Variants in ITGA1 observed in about 807,000 individuals in gnomAD.
ITGA1 encodes integrin subunit alpha 1.
ITGA1 carries 85 observed loss-of-function variants against 145.9 expected under a neutral mutation model. The observed-to-expected ratio is 0.58, with a 90% CI of 0.49 to 0.70. ITGA1 has a LOEUF of 0.70. Ranked by LOEUF, ITGA1 falls within the 30% of genes least tolerant of loss-of-function variation. The pLI is 0.00. For missense variants in ITGA1, 1,351 were observed against 1,418.7 expected, an observed-to-expected ratio of 0.95 and a Z score of 0.77; for synonymous variants, 520 against 495.3, an observed-to-expected ratio of 1.05 and a Z score of -0.66.
intron 6 of ITGA1, among the ~76,000 whole-genome samples, chr5:52,866,825 T>G (rs1420197414): frequency 6.6e-6 from 1 of 152,202 alleles, no homozygotes; most frequent in Non-Finnish European, 1.5e-5. Context: ...TAAACTCATA[T>G]GGGCATATAT....
At chr5:52,871,701 T>A (rs1250573220) in intron 6 of ITGA1, among the ~76,000 whole-genome samples, 1 of 150,188 alleles carries the variant, frequency 6.7e-6, no homozygotes, top group Non-Finnish European at 1.5e-5. Context: ...ATTAGGGAAA[T>A]ACAACACAAC....
intron 1 of ITGA1, among the ~76,000 whole-genome samples, chr5:52,832,765 CTGTGTGTGTGTG>C (rs33977926): frequency 1.3e-4 from 11 of 86,778 alleles, no homozygotes; most frequent in African/African-American, 1.7e-4. Flanking sequence ...ATATATAAAT[CTGTGTGTGTGTG>C]TGTGTGTGTG....
chr5:52,900,592 A>G (rs1750298554), intron 11 of ITGA1, among the ~76,000 whole-genome samples: 1 of 152,210 alleles, frequency 6.6e-6, no homozygotes, highest in African/African-American at 2.4e-5. Flanking sequence ...ACCCATAAAA[A>G]TAAAAATTAT....
At chr5:52,944,842 C>T (rs1751109589) in intron 26 of ITGA1, 101 bp from the exon 27 acceptor site, 1 of 784,932 alleles carries the variant, frequency 1.3e-6, no homozygotes, top group Non-Finnish European at 2.1e-6. Flanking sequence ...TTTTTAATCT[C>T]TCAGAAAAAT....
intron 2 of ITGA1, among the ~76,000 whole-genome samples, chr5:52,859,843 C>G (rs994424923): frequency 6.6e-6 from 1 of 152,184 alleles, no homozygotes; most frequent in African/African-American, 2.4e-5. Context: ...TCAGACATGG[C>G]CTGACCAGCA....
intron 1 of ITGA1, among the ~76,000 whole-genome samples, chr5:52,815,022 C>T (rs1002913671): frequency 1.3e-5 from 2 of 152,136 alleles, no homozygotes; most frequent in African/African-American, 2.4e-5. Flanking sequence ...TGATGTACTT[C>T]CCCACTCCCA....
At chr5:52,881,812 T>A in intron 6 of ITGA1, 61 bp from the exon 7 acceptor site, 3 of 1,493,478 alleles carry the variant, frequency 2.0e-6, no homozygotes, top group Non-Finnish European at 2.7e-6. Flanking sequence ...ATGGTTAACC[T>A]GAAGAAATCT....
chr5:52,815,794 C>T (rs1044420737), intron 1 of ITGA1, among the ~76,000 whole-genome samples: 1 of 152,102 alleles, frequency 6.6e-6, no homozygotes, highest in Non-Finnish European at 1.5e-5. Context: ...GACATACTTA[C>T]AGTAATAGTA....
intron 23 of ITGA1, among the ~76,000 whole-genome samples, chr5:52,936,408 T>A (rs1750965366): frequency 6.6e-6 from 1 of 152,130 alleles, no homozygotes; most frequent in African/African-American, 2.4e-5. Flanking sequence ...AATTAAAGGA[T>A]GTATTTCGTC....
intron 11 of ITGA1, 82 bp downstream of exon 11, chr5:52,898,465 G>C: frequency 1.6e-6 from 2 of 1,222,084 alleles, no homozygotes; most frequent in South Asian, 3.3e-5. Flanking sequence ...TGTTTCTATA[G>C]GCTTGCAACC....
intron 1 of ITGA1, chr5:52,801,031 G>C: frequency 1.2e-6 from 2 of 1,614,138 alleles, no homozygotes; most frequent in Non-Finnish European, 1.7e-6. Flanking sequence ...CCCAGGATTT[G>C]TGAGGGAGCA....
chr5:52,882,015 C>T lies in ITGA1; in HGVS notation c.767C>T (p.Thr256Ile). The stretch of plus-strand genomic sequence containing the variant: ...ACTATGACAGCTCTTGGAATAGACA[C>T]AGCAAGGTATATGGATAAAAAAATA... ...RQTMTALGID[T>I]ARKEAFTEAR... Residue 256 changes from threonine (T) to isoleucine (I), a missense_variant, in exon 7 of 29, where the codon ACA (threonine) becomes ATA (isoleucine). Transcript: ENST00000282588. 2.5e-6 allele frequency: 4 copies of T among 1,606,950 alleles called. No homozygotes were observed. Among genetic ancestry groups the T allele is most frequent in the Non-Finnish European group, 3.4e-6 (4 of 1,176,890 alleles).
Position 52,910,390 on chromosome 5 carries a change from G to T in ITGA1, c.1828G>T (p.Gly610Cys). ...GGAVYIYHGS[G>C]KTIRKEYAQR... ...AGCTGTGTACATTTATCATGGAAGT[G>T]GCAAGACTATAAGGAAAGAGTATGC... The change falls in exon 14 of 29, where the codon GGC becomes TGC. Residue 610 changes from glycine to cysteine, a missense_variant. Gly to Cys is a radical substitution (Grantham distance 159). Coordinates refer to ENST00000282588, the MANE Select transcript of ITGA1 (RefSeq NM_181501.2). 6.2e-7 allele frequency: 1 copy of T among 1,613,550 alleles called. No homozygotes were observed.
chr5:52,808,676 CTT>C (rs60113844), intron 1 of ITGA1, among the ~76,000 whole-genome samples: 3 of 69,336 alleles, frequency 4.3e-5, no homozygotes, highest in Non-Finnish European at 2.6e-5. Context: ...TTCTTTCTTT[CTT>C]TTTTTTTTTT....
intron 6 of ITGA1, among the ~76,000 whole-genome samples, chr5:52,874,474 CTCT>C (rs1183200652): frequency 6.6e-6 from 1 of 152,154 alleles, no homozygotes; most frequent in Non-Finnish European, 1.5e-5. Context: ...TTCTTAAACA[CTCT>C]TATCATTTAA....
In ITGA1 at chr5:52,911,755, TA is replaced by T. The variant is rs1474949297; in HGVS notation, c.1857+1337del. Among the ~76,000 whole-genome samples, 16 of 109,096 alleles carry T rather than the reference TA, an allele frequency of 1.5e-4. No individual in the cohort carries two copies. The South Asian group carries it at 2.1e-3, about 14-fold the overall frequency. The allele number at this position is 109,096 out of a possible 152,430, so 71.6% of individuals were successfully genotyped here. ...GTATCTACTATATATACTATACATA[TA>T]GTGTATCTACTATATATACTATATA... On this transcript the variant is annotated intron_variant, in intron 14 of 28. Coordinates refer to ENST00000282588, the MANE Select transcript of ITGA1 (RefSeq NM_181501.2).
intron 1 of ITGA1, among the ~76,000 whole-genome samples, chr5:52,799,488 G>C (rs1158401297): frequency 6.6e-6 from 1 of 152,208 alleles, no homozygotes. Flanking sequence ...ATCAGGTCAA[G>C]CAACTGAGAG....
intron 23 of ITGA1, 90 bp from the exon 24 acceptor site, chr5:52,937,311 C>T (rs938943825): frequency 1.2e-6 from 1 of 816,170 alleles, no homozygotes; most frequent in Non-Finnish European, 2.1e-6. Context: ...ACACAATTTA[C>T]TTCATCAGCT....
At chr5:52,885,154 G>A (rs895208132) in intron 7 of ITGA1, among the ~76,000 whole-genome samples, 4 of 152,034 alleles carry the variant, frequency 2.6e-5, no homozygotes, top group Admixed American at 6.6e-5. Context: ...CTCTCATGGT[G>A]TACCTCCTTC....
Sources: gnomAD v4.1 joint callset for allele counts (sites outside exome capture counted in the v4.1 genomes callset) on GRCh38, gnomAD v4.1.1 for gene constraint, MANE v1.5 for transcripts, NCBI Gene and HGNC (gene_info 2026-07-23, HGNC 2026-07-21) for gene names.